Variants in CDH13 observed in about 807,000 individuals in gnomAD.
CDH13 encodes the protein cadherin 13, also known as cadherin-13.
CDH13 carries 24 observed loss-of-function variants against 63.8 expected under a neutral mutation model. That is an observed-to-expected ratio of 0.38 (90% CI 0.27 to 0.53). The LOEUF (loss-of-function observed/expected upper bound fraction) is 0.53. Ranked by LOEUF, CDH13 falls within the 20% of genes least tolerant of loss-of-function variation. The pLI is 0.85. For missense variants in CDH13, 1,049 were observed against 903.1 expected (o/e 1.16, Z -2.07); for synonymous variants, 503 against 355.3 (o/e 1.42, Z -4.67).
Position 83,245,118 on chromosome 16 carries a change from C to CAAA in CDH13, c.636+27632_636+27634dup, listed in dbSNP as rs34319502. Reference sequence around the variant, plus strand: ...TGTTGGCTCTTTTCTGGATAGTATGCAAAAAAAAAAAAAGTTTCATATTCA... The same window carrying CAAA: ...TGTTGGCTCTTTTCTGGATAGTATGCAAAAAAAAAAAAAAAAGTTTCATATTCA... On this transcript the variant is annotated intron_variant, in intron 5 of 13. Coordinates refer to ENST00000567109, the MANE Select transcript of CDH13 (RefSeq NM_001257.5). Among the ~76,000 whole-genome samples the CAAA allele has an allele frequency of 2.8e-3, 400 of 144,050 alleles. 2 individuals carry two copies. Among genetic ancestry groups the CAAA allele is most frequent in the African/African-American group, 9.7e-3 (386 of 39,670 alleles). 94.5% of individuals were successfully genotyped at this position (144,050 alleles called of 152,430 possible).
chr16:83,521,807 G>C (rs982409815), intron 7 of CDH13, among the ~76,000 whole-genome samples: 4 of 152,190 alleles, frequency 2.6e-5, no homozygotes, highest in African/African-American at 9.7e-5. Flanking sequence ...TTCTGCCACT[G>C]ACCTTGACCT....
intron 2 of CDH13, among the ~76,000 whole-genome samples, chr16:82,874,681 G>A (rs1350316302): frequency 2.0e-5 from 3 of 152,144 alleles, no homozygotes; most frequent in Non-Finnish European, 4.4e-5. Flanking sequence ...TAACATAAAA[G>A]AAATAAGCAG....
At chr16:83,679,177 A>T (rs1239154383) in intron 10 of CDH13, among the ~76,000 whole-genome samples, 1 of 152,176 alleles carries the variant, frequency 6.6e-6, no homozygotes, top group Non-Finnish European at 1.5e-5. Context: ...GCATTTTCGT[A>T]ATGAGATTTA....
chr16:83,774,027 G>C (rs1914938768), intron 11 of CDH13, among the ~76,000 whole-genome samples: 1 of 152,156 alleles, frequency 6.6e-6, no homozygotes, highest in African/African-American at 2.4e-5. Flanking sequence ...CATCAGCACA[G>C]ACTGTCCCCA....
intron 3 of CDH13, among the ~76,000 whole-genome samples, chr16:83,035,874 A>C (rs1227363287): frequency 1.3e-5 from 2 of 152,244 alleles, no homozygotes; most frequent in Non-Finnish European, 2.9e-5. Flanking sequence ...AGTAATGTAT[A>C]GCACTCAGCT....
At chr16:83,602,211 A>G (rs1457597451) in intron 7 of CDH13, among the ~76,000 whole-genome samples, 1 of 150,476 alleles carries the variant, frequency 6.6e-6, no homozygotes, top group East Asian at 1.9e-4. Flanking sequence ...TGTCTCCCTA[A>G]AAAAGAACAG....
chr16:83,186,473 C>G (rs2038529348), intron 4 of CDH13, among the ~76,000 whole-genome samples: 1 of 152,096 alleles, frequency 6.6e-6, no homozygotes, highest in African/African-American at 2.4e-5. Context: ...TCGAGACAGC[C>G]TTATCAGTAG....
At chr16:83,051,396 A>G (rs1276465189) in intron 3 of CDH13, among the ~76,000 whole-genome samples, 1 of 152,214 alleles carries the variant, frequency 6.6e-6, no homozygotes. Flanking sequence ...CATCAGTAAA[A>G]CCAATAACTC....
At chr16:83,432,817 A>T (rs574107546) in intron 6 of CDH13, among the ~76,000 whole-genome samples, 1 of 152,334 alleles carries the variant, frequency 6.6e-6, no homozygotes, top group South Asian at 2.1e-4. Flanking sequence ...ACAGGTTGCT[A>T]GGAATATTTT....
intron 6 of CDH13, among the ~76,000 whole-genome samples, chr16:83,349,455 G>C (rs138467200): frequency 6.6e-6 from 1 of 152,306 alleles, no homozygotes; most frequent in East Asian, 1.9e-4. Context: ...GGAATGGCAT[G>C]TCAGGCTCCC....
chr16:82,869,578 C>T (rs569794242), intron 2 of CDH13, among the ~76,000 whole-genome samples: 2 of 152,276 alleles, frequency 1.3e-5, no homozygotes, highest in East Asian at 3.9e-4. Flanking sequence ...ATCTGACTTA[C>T]AGTTGTACTA....
intron 1 of CDH13, among the ~76,000 whole-genome samples, chr16:82,733,642 C>G (rs1477823563): frequency 6.6e-6 from 1 of 152,160 alleles, no homozygotes. Context: ...TCTATAGATG[C>G]TCAAGGTCAC....
At chr16:83,278,590 C>T (rs773521585) in intron 5 of CDH13, among the ~76,000 whole-genome samples, 9 of 152,180 alleles carry the variant, frequency 5.9e-5, no homozygotes, top group Non-Finnish European at 1.3e-4. Flanking sequence ...CTGGAGGAGA[C>T]AGCAAGAAAA....
intron 6 of CDH13, among the ~76,000 whole-genome samples, chr16:83,357,119 T>A (rs986305990): frequency 2.0e-5 from 3 of 152,148 alleles, no homozygotes; most frequent in African/African-American, 7.2e-5. Flanking sequence ...AAAAAAGGCC[T>A]GCTTTTCAGA....
At chr16:83,309,567 G>A (rs1184375794) in intron 5 of CDH13, among the ~76,000 whole-genome samples, 1 of 152,044 alleles carries the variant, frequency 6.6e-6, no homozygotes, top group African/African-American at 2.4e-5. Flanking sequence ...AGTGAAGATG[G>A]GGTTTCACCA....
intron 6 of CDH13, among the ~76,000 whole-genome samples, chr16:83,356,108 C>A (rs1390234992): frequency 1.3e-5 from 2 of 152,054 alleles, no homozygotes; most frequent in East Asian, 3.9e-4. Context: ...ACCCACTGTC[C>A]TTTAACTATT....
At chr16:82,866,218 C>G (rs1048833491) in intron 2 of CDH13, among the ~76,000 whole-genome samples, 5 of 152,052 alleles carry the variant, frequency 3.3e-5, no homozygotes, top group Non-Finnish European at 5.9e-5. Flanking sequence ...AACTTTCCCA[C>G]ATCTTCCTGT....
At chr16:83,521,486 C>A (rs558562491) in intron 7 of CDH13, among the ~76,000 whole-genome samples, 14 of 152,216 alleles carry the variant, frequency 9.2e-5, no homozygotes, top group African/African-American at 3.4e-4. Context: ...AATACGGTGT[C>A]AACAACAGCA....
intron 2 of CDH13, among the ~76,000 whole-genome samples, chr16:82,942,715 C>G (rs1904306549): frequency 6.6e-6 from 1 of 152,116 alleles, no homozygotes; most frequent in Non-Finnish European, 1.5e-5. Flanking sequence ...GTCAAATAAC[C>G]TCATTGTAAA....
Sources: allele counts gnomAD v4.1 joint callset (sites outside exome capture counted in the v4.1 genomes callset), GRCh38; gene constraint gnomAD v4.1.1; transcripts MANE v1.5; gene names NCBI Gene and HGNC (gene_info 2026-07-23, HGNC 2026-07-21).